Variants in AUTS2 observed in about 807,000 individuals in gnomAD.
AUTS2 encodes autism susceptibility gene 2 protein.
A neutral mutation model predicts 112.4 loss-of-function variants in AUTS2; 17 were observed. That is an observed-to-expected ratio of 0.15 (90% confidence interval 0.10 to 0.23). AUTS2 has a LOEUF of 0.23. AUTS2 is among the 10% of genes least tolerant of loss of function. AUTS2 has a pLI of 1.00. For synonymous variants in AUTS2, 751 were observed against 702.7 expected, an observed-to-expected ratio of 1.07 and a Z score of -1.09; for missense variants, 1,510 against 1,701.6, an observed-to-expected ratio of 0.89 and a Z score of 1.98.
At chr7:70,289,981 C>G (rs1788635749) in intron 4 of AUTS2, among the ~76,000 whole-genome samples, 1 of 152,188 alleles carries the variant, frequency 6.6e-6, no homozygotes, top group South Asian at 2.1e-4. Flanking sequence ...TTCTAGACTT[C>G]TGTCACTGAT....
chr7:70,538,228 C>A (rs1585272444), intron 5 of AUTS2, among the ~76,000 whole-genome samples: 2 of 152,048 alleles, frequency 1.3e-5, no homozygotes, highest in South Asian at 4.2e-4. Context: ...CAGAGTGAGA[C>A]CCTGTGTAAG....
chr7:69,801,473 A>G (rs1790078912), intron 1 of AUTS2, among the ~76,000 whole-genome samples: 1 of 149,530 alleles, frequency 6.7e-6, no homozygotes, highest in Non-Finnish European at 1.5e-5. Context: ...CCTATATATA[A>G]AATATTTATA....
intron 4 of AUTS2, among the ~76,000 whole-genome samples, chr7:70,280,809 A>T (rs373245359): frequency 6.6e-6 from 1 of 152,146 alleles, no homozygotes. Flanking sequence ...ATGATTTTAC[A>T]CATGTAATAA....
chr7:69,696,088 A>G (rs1213046410), intron 1 of AUTS2, among the ~76,000 whole-genome samples: 1 of 152,234 alleles, frequency 6.6e-6, no homozygotes, highest in Non-Finnish European at 1.5e-5. Context: ...CTGTCAGATC[A>G]TGGGTGAGAA....
intron 5 of AUTS2, among the ~76,000 whole-genome samples, chr7:70,623,189 G>A (rs1411075644): frequency 6.6e-6 from 1 of 152,192 alleles, no homozygotes; most frequent in Non-Finnish European, 1.5e-5. Flanking sequence ...GTTGCGTTTG[G>A]CAGGCATTCT....
chr7:69,814,723 TG>T (rs1790684324), intron 1 of AUTS2, among the ~76,000 whole-genome samples: 1 of 152,236 alleles, frequency 6.6e-6, no homozygotes. Flanking sequence ...AGGAACTTTG[TG>T]TGTGCACAGC....
At chr7:70,711,987 GC>G (rs1472807391) in intron 6 of AUTS2, among the ~76,000 whole-genome samples, 2 of 151,758 alleles carry the variant, frequency 1.3e-5, no homozygotes, top group Non-Finnish European at 2.9e-5. Flanking sequence ...AAGGATGTTT[GC>G]ATTTTCACTC....
chr7:70,704,723 A>G (rs373038103), intron 6 of AUTS2, among the ~76,000 whole-genome samples: 3 of 152,366 alleles, frequency 2.0e-5, no homozygotes, highest in East Asian at 3.9e-4. Flanking sequence ...AACCCCAGAC[A>G]GGAGGGTTCC....
intron 4 of AUTS2, among the ~76,000 whole-genome samples, chr7:70,194,350 C>T (rs1810061114): frequency 6.6e-6 from 1 of 152,068 alleles, no homozygotes; most frequent in Admixed American, 6.5e-5. Context: ...GCAGAGGTGG[C>T]AGTGAACCGA....
In AUTS2 at chr7:69,876,484, GTATATATATATATA is replaced by G. The variant is rs58131271; in HGVS notation, c.310-22754_310-22741del. Among the ~76,000 whole-genome samples, 388 of 54,224 alleles carry G rather than the reference GTATATATATATATA, an allele frequency of 7.2e-3. 21 individuals are homozygous for G. The highest frequency in any genetic ancestry group is 0.017 in the Middle Eastern group (1 of 58). 35.6% of individuals were successfully genotyped at this position (54,224 alleles called of 152,430 possible). On this transcript the variant is annotated intron_variant, in intron 1 of 18. Transcript: ENST00000342771. ...TATATATATACATAAAATATTTTGTGTATATATATATATATATATATATATATATATATATATAT... is the reference window on the plus strand; with the variant it reads ...TATATATATACATAAAATATTTTGTGTATATATATATATATATATATATAT...
At chr7:70,039,999 C>G (rs866933026) in intron 2 of AUTS2, among the ~76,000 whole-genome samples, 1 of 152,148 alleles carries the variant, frequency 6.6e-6, no homozygotes, top group South Asian at 2.1e-4. Flanking sequence ...GAGAAACAAA[C>G]ATCCAACTTT....
At chr7:69,635,653 G>A (rs1382009344) in intron 1 of AUTS2, among the ~76,000 whole-genome samples, 1 of 152,222 alleles carries the variant, frequency 6.6e-6, no homozygotes, top group Non-Finnish European at 1.5e-5. Context: ...TAAGAGGAGA[G>A]AGGAACACAT....
In AUTS2 at chr7:70,505,131, C is replaced by T. The variant is rs149470204; in HGVS notation, c.690+69350C>T. Among the ~76,000 whole-genome samples, 74 of 152,312 alleles carry T rather than the reference C, an allele frequency of 4.9e-4. No homozygotes were observed. The East Asian group carries it at 0.012, about 25-fold the overall frequency. ...TTCGCAGAGCCTGGCCCTGAGCCTC[C>T]ATCCACTCAGCGCTCAATAGATGAC... is the stretch of plus-strand genomic sequence containing the variant. On this transcript the variant is annotated intron_variant, in intron 5 of 18. Coordinates refer to ENST00000342771, the MANE Select transcript of AUTS2 (RefSeq NM_015570.4).
At chr7:70,313,137 C>T (rs1190736730) in intron 4 of AUTS2, among the ~76,000 whole-genome samples, 1 of 152,172 alleles carries the variant, frequency 6.6e-6, no homozygotes, top group Non-Finnish European at 1.5e-5. Context: ...ATTAGTCATA[C>T]AAAATTCTAC....
At chr7:70,587,614 A>G (rs1461309716) in intron 5 of AUTS2, among the ~76,000 whole-genome samples, 1 of 152,234 alleles carries the variant, frequency 6.6e-6, no homozygotes, top group Non-Finnish European at 1.5e-5. Flanking sequence ...TACTCAGCAC[A>G]TGCTGCATCC....
At chr7:70,702,262 T>C (rs1809498394) in intron 6 of AUTS2, among the ~76,000 whole-genome samples, 1 of 152,202 alleles carries the variant, frequency 6.6e-6, no homozygotes. Context: ...TGGAGCCCTC[T>C]GTTTATAGGA....
chr7:70,768,672 A>C (rs1278633060), intron 10 of AUTS2, among the ~76,000 whole-genome samples: 3 of 152,110 alleles, frequency 2.0e-5, no homozygotes, highest in African/African-American at 7.2e-5. Context: ...ATTTAAAAAA[A>C]ATAAAAAAAA....
intron 5 of AUTS2, among the ~76,000 whole-genome samples, chr7:70,603,374 T>C (rs917686504): frequency 1.3e-5 from 2 of 152,220 alleles, no homozygotes; most frequent in Admixed American, 1.3e-4. Flanking sequence ...GATGTCCTGA[T>C]GGATTAAGCT....
chr7:70,254,489 A>G (rs1032098424), intron 4 of AUTS2, among the ~76,000 whole-genome samples: 1 of 152,220 alleles, frequency 6.6e-6, no homozygotes, highest in Non-Finnish European at 1.5e-5. Context: ...GATGCAACCA[A>G]ATTTAATCAC....
Sources: allele counts gnomAD v4.1 joint callset (sites outside exome capture counted in the v4.1 genomes callset), GRCh38; gene constraint gnomAD v4.1.1; transcripts MANE v1.5; gene names NCBI Gene and HGNC (gene_info 2026-07-23, HGNC 2026-07-21).